Variants in PRKN observed in about 807,000 individuals in gnomAD.
The protein encoded by PRKN is parkin RBR E3 ubiquitin protein ligase.
In PRKN, 56 loss-of-function variants were observed where a neutral mutation model predicts 59.5. That is an observed-to-expected ratio of 0.94 (90% CI 0.76 to 1.18). The LOEUF (loss-of-function observed/expected upper bound fraction) is 1.18, where lower values mean the gene tolerates loss of function less well. Ranked by LOEUF, PRKN falls within the 50% of genes most tolerant of loss-of-function variation. The probability of loss-of-function intolerance (pLI) is 0.00; values close to 1 mark genes in which losing one functional copy is unlikely to be tolerated. For missense variants in PRKN, 657 were observed against 596.4 expected (o/e 1.10, Z -1.06); for synonymous variants, 250 against 222.1 (o/e 1.13, Z -1.12).
At chr6:162,048,403 C>T (rs1301355899) in intron 5 of PRKN, among the ~76,000 whole-genome samples, 1 of 150,992 alleles carries the variant, frequency 6.6e-6, no homozygotes, top group Non-Finnish European at 1.5e-5. Flanking sequence ...CTAAGGGGCA[C>T]CTCATTACCA....
rs141847206 is a variant in PRKN, at chr6:161,960,367, G to A, written c.734+12935C>T. Among the ~76,000 whole-genome samples the A allele has an allele frequency of 6.6e-5, 10 of 152,238 alleles. No individual in the cohort carries two copies. The East Asian group carries it at 1.9e-3, about 29-fold the overall frequency. ...ATTGGAAAGACGGCTGGAGACAAACGCAAAAGACATCCAAATCTTAGCAGT... is the reference window on the plus strand; with the variant it reads ...ATTGGAAAGACGGCTGGAGACAAACACAAAAGACATCCAAATCTTAGCAGT... On this transcript the variant is annotated intron_variant, in intron 6 of 11. Coordinates refer to ENST00000366898, the MANE Select transcript of PRKN (RefSeq NM_004562.3).
At chr6:161,710,353 C>T (rs1169979369) in intron 7 of PRKN, among the ~76,000 whole-genome samples, 2 of 152,154 alleles carry the variant, frequency 1.3e-5, no homozygotes, top group Non-Finnish European at 2.9e-5. Flanking sequence ...TCCACGTAAA[C>T]CCGTCCTAAG....
chr6:162,617,176 TTG>T (rs1030612982), intron 1 of PRKN, among the ~76,000 whole-genome samples: 1 of 152,174 alleles, frequency 6.6e-6, no homozygotes. Context: ...CCATTTTTTG[TTG>T]TGAGAATATT....
intron 1 of PRKN, among the ~76,000 whole-genome samples, chr6:162,560,900 A>G (rs1014681220): frequency 4.7e-5 from 7 of 149,808 alleles, no homozygotes; most frequent in African/African-American, 1.5e-4. Flanking sequence ...AAATCTGTGA[A>G]GTTATAAAGA....
Position 161,371,627 on chromosome 6 carries a change from G to C in PRKN, c.1168-11422C>G, listed in dbSNP as rs1785448245. ...ATGCTTTAGAATGCAATTCAGAAGG[G>C]CATTTGTTTTTATTTATTTATCTAT... On this transcript the variant is annotated intron_variant, in intron 10 of 11. Coordinates refer to ENST00000366898, the MANE Select transcript of PRKN (RefSeq NM_004562.3). This position sits in a 1 kb window ranked among gnomAD's most constrained non-coding sequence, Gnocchi z 5.5. 6.6e-6 allele frequency among the ~76,000 whole-genome samples: 1 copy of C among 151,858 alleles called. No homozygotes were observed. The highest frequency in any genetic ancestry group is 6.6e-5 in the Admixed American group (1 of 15,234).
chr6:162,225,041 A>G (rs912164192), intron 3 of PRKN, among the ~76,000 whole-genome samples: 4 of 152,166 alleles, frequency 2.6e-5, no homozygotes, highest in Non-Finnish European at 5.9e-5. Flanking sequence ...ACATTTATGT[A>G]GCTCACAGTT....
chr6:161,460,330 C>A lies in PRKN; in HGVS notation c.1084-73453G>T, dbSNP rs1165332483. On this transcript the variant is annotated intron_variant, in intron 9 of 11. Transcript: ENST00000366898. This position sits in a 1 kb window ranked among gnomAD's most constrained non-coding sequence, Gnocchi z 5.0. Reference sequence around the variant, plus strand: ...ATCTTGAAAAGTGGGTTAGATATTGCTTGGGAATAATGGGCAAAGGAGGTG... The same window carrying A: ...ATCTTGAAAAGTGGGTTAGATATTGATTGGGAATAATGGGCAAAGGAGGTG... 6.6e-6 allele frequency among the ~76,000 whole-genome samples: 1 copy of A among 152,126 alleles called. No homozygotes were observed. Among genetic ancestry groups the A allele is most frequent in the Non-Finnish European group, 1.5e-5 (1 of 68,016 alleles).
intron 1 of PRKN, among the ~76,000 whole-genome samples, chr6:162,548,881 G>A (rs1271270143): frequency 2.0e-5 from 3 of 152,020 alleles, no homozygotes; most frequent in Non-Finnish European, 2.9e-5. Context: ...TCACTGGTCC[G>A]CTCACTCCCC....
chr6:162,396,740 T>G (rs1049654377), intron 2 of PRKN, among the ~76,000 whole-genome samples: 3 of 152,032 alleles, frequency 2.0e-5, no homozygotes, highest in Non-Finnish European at 4.4e-5. Flanking sequence ...TTAATCACCC[T>G]CCCATATGCA....
At chr6:161,911,892 G>A (rs1008068627) in intron 6 of PRKN, among the ~76,000 whole-genome samples, 3 of 151,952 alleles carry the variant, frequency 2.0e-5, no homozygotes, top group South Asian at 4.2e-4. Flanking sequence ...TATAAGAAAC[G>A]ATGGGCCAGG....
chr6:161,834,081 A>T (rs1792635005), intron 6 of PRKN, among the ~76,000 whole-genome samples: 1 of 152,126 alleles, frequency 6.6e-6, no homozygotes, highest in South Asian at 2.1e-4. Context: ...ATCGTGTAAG[A>T]GCAGCCGCTG....
chr6:162,696,963 TA>T (rs1279409973), intron 1 of PRKN, among the ~76,000 whole-genome samples: 7 of 152,322 alleles, frequency 4.6e-5, no homozygotes, highest in African/African-American at 1.7e-4. Flanking sequence ...TACTACAATA[TA>T]ATTAACATAT....
intron 7 of PRKN, among the ~76,000 whole-genome samples, chr6:161,741,888 GT>G (rs1380862663): frequency 1.2e-4 from 18 of 152,182 alleles, no homozygotes; most frequent in African/African-American, 4.3e-4. Context: ...CATGGGGGTG[GT>G]TTCCCCCATA....
rs534154323 is a variant in PRKN at position 161,372,382 on chromosome 6, C to T, written c.1168-12177G>A. On this transcript the variant is annotated intron_variant, in intron 10 of 11. Transcript: ENST00000366898. The surrounding 1 kb of genome is among the most constrained non-coding windows in gnomAD (Gnocchi z 4.2). ...AATAGGATGTGAGAGGGGTCAAAGC[C>T]GACCACAGAGCCTACCTTTTGTGCA... Among the ~76,000 whole-genome samples the T allele has an allele frequency of 1.1e-4, 16 of 152,220 alleles. No homozygotes were observed. Among genetic ancestry groups the T allele is most frequent in the Admixed American group, 3.9e-4 (6 of 15,290 alleles).
Position 161,497,706 on chromosome 6 carries a change from T to C in PRKN, c.1083+51148A>G, listed in dbSNP as rs1030488630. 2.0e-5 allele frequency among the ~76,000 whole-genome samples: 3 copies of C among 152,182 alleles called. No individual in the cohort carries two copies. The highest frequency in any genetic ancestry group is 7.2e-5 in the African/African-American group (3 of 41,446). On this transcript the variant is annotated intron_variant, in intron 9 of 11. Coordinates refer to ENST00000366898, the MANE Select transcript of PRKN (RefSeq NM_004562.3). This position sits in a 1 kb window ranked among gnomAD's most constrained non-coding sequence, Gnocchi z 4.6. ...AGGCTAACTCTAGCTCAATTATCTC[T>C]TCCTTTTGACAGAATTCACATCAAA...
In PRKN at chr6:162,443,097, A is replaced by T. The variant is rs796791571; in HGVS notation, c.171+213T>A. ...TGTGTTCTTTCTCTCTCTCTTTCTC[A>T]CTCGCAGTTGTTCTTCCAATCTTTC... is the stretch of plus-strand genomic sequence containing the variant. On this transcript the variant is annotated intron_variant, in intron 2 of 11. Coordinates refer to ENST00000366898, the MANE Select transcript of PRKN (RefSeq NM_004562.3). Among the ~76,000 whole-genome samples, 4 of 151,846 alleles carry T rather than the reference A, an allele frequency of 2.6e-5. No individual in the cohort carries two copies. The East Asian group carries it at 5.8e-4, about 22-fold the overall frequency.
At chr6:161,418,427 G>A (rs997118776) in intron 9 of PRKN, among the ~76,000 whole-genome samples, 9 of 152,124 alleles carry the variant, frequency 5.9e-5, no homozygotes, top group Admixed American at 2.0e-4. Flanking sequence ...TTCATGTATC[G>A]GCCTTGACGT....
intron 9 of PRKN, among the ~76,000 whole-genome samples, chr6:161,411,938 A>C (rs1388038454): frequency 2.6e-5 from 3 of 116,558 alleles, no homozygotes; most frequent in Non-Finnish European, 3.4e-5. Flanking sequence ...CTCCTCCCTC[A>C]CTCATTCCTC....
chr6:161,650,736 A>G (rs1408089422), intron 7 of PRKN, among the ~76,000 whole-genome samples: 3 of 152,330 alleles, frequency 2.0e-5, no homozygotes, highest in East Asian at 3.9e-4. Flanking sequence ...CTTGTCCATC[A>G]GTGGCTGTGC....
Sources: allele counts gnomAD v4.1 joint callset (sites outside exome capture counted in the v4.1 genomes callset), GRCh38; gene constraint gnomAD v4.1.1; non-coding constraint Gnocchi (gnomAD v3.1); transcripts MANE v1.5; gene names NCBI Gene and HGNC (gene_info 2026-07-23, HGNC 2026-07-21).